The following SMCHD1 variants were observed in gnomAD, a reference collection of about 807,000 sequenced individuals.
The protein encoded by SMCHD1 is structural maintenance of chromosomes flexible hinge domain-containing protein 1.
Under a neutral mutation model 254.7 loss-of-function variants are expected in SMCHD1, and 78 were observed. That is an observed-to-expected ratio of 0.31 (90% CI 0.26 to 0.37). The LOEUF (loss-of-function observed/expected upper bound fraction) is 0.37. Among genes scored for constraint, SMCHD1 ranks in the 10% least tolerant of loss-of-function variants. The pLI, the probability that SMCHD1 is intolerant of heterozygous loss-of-function variation, is 1.00. For synonymous variants in SMCHD1, 766 were observed against 794.9 expected (o/e 0.96, Z 0.61); for missense variants, 1,840 against 2,408.1 (o/e 0.76, Z 4.94).
intron 1 of SMCHD1, among the ~76,000 whole-genome samples, chr18:2,658,818 A>G (rs1046250653): frequency 6.6e-6 from 1 of 151,544 alleles, no homozygotes; most frequent in Admixed American, 6.6e-5. Flanking sequence ...ATACATATAC[A>G]TATATATGTG....
At position 2,708,907 on chromosome 18, in the gene SMCHD1, T is replaced by TATATATATATATATAAA. The variant is rs769432583; in HGVS notation, c.2260+988_2260+989insTATATATATATATAAAA. On this transcript the variant is annotated intron_variant, in intron 17 of 47. Transcript: ENST00000320876. Reference sequence around the variant, plus strand: ...ATATATATATATATATATATATATATAACATATTAACATGAAATTTATGAA... The same window carrying TATATATATATATATAAA: ...ATATATATATATATATATATATATATATATATATATATATAAAAACATATTAACATGAAATTTATGAA... Among the ~76,000 whole-genome samples the TATATATATATATATAAA allele has an allele frequency of 6.2e-3, 275 of 44,684 alleles. 48 individuals carry two copies. Among genetic ancestry groups the TATATATATATATATAAA allele is most frequent in the African/African-American group, 0.021 (252 of 11,870 alleles). 29.3% of individuals were successfully genotyped at this position (44,684 alleles called of 152,430 possible).
chr18:2,732,216 A>G, intron 24 of SMCHD1, 49 bp from the exon 25 acceptor site: 2 of 1,444,596 alleles, frequency 1.4e-6, no homozygotes, highest in East Asian at 2.3e-5. Flanking sequence ...AGGAGTGTAA[A>G]ATTTCAGTAC....
chr18:2,774,939 C>T (rs751851699), intron 41 of SMCHD1, among the ~76,000 whole-genome samples: 3 of 152,206 alleles, frequency 2.0e-5, no homozygotes, highest in Non-Finnish European at 4.4e-5. Flanking sequence ...CCTTGTTACA[C>T]TGTTGGCACA....
At position 2,804,107 on chromosome 18, in the gene SMCHD1, A is replaced by C. The variant is rs2076409386; in HGVS notation, c.*1555A>C. On this transcript the variant is annotated 3_prime_UTR_variant, in exon 48 of 48. Transcript: ENST00000320876. ...GATTATATGAAAATGATTGATTGAT[A>C]GGTAAGAAAGGTTAAAGAGAAATGA... 6.6e-6 allele frequency: 1 copy of C among 152,166 alleles called. No individual in the cohort carries two copies. The highest frequency in any genetic ancestry group is 2.4e-5 in the African/African-American group (1 of 41,430). The allele number at this position is 152,166 out of a possible 1,614,324, so 9.4% of individuals were successfully genotyped here. A position where few individuals can be genotyped will look rare whatever the true frequency, so the allele number is the denominator to read the frequency against.
intron 36 of SMCHD1, among the ~76,000 whole-genome samples, chr18:2,762,489 T>A (rs1369424148): frequency 7.4e-6 from 1 of 134,726 alleles, no homozygotes. Flanking sequence ...TCAATCTGCC[T>A]ACCTTTTTTT....
At position 2,796,127 on chromosome 18, in the gene SMCHD1, T is replaced by G; in HGVS notation, c.5878+20T>G. 1 of 1,495,400 alleles carries G rather than the reference T, an allele frequency of 6.7e-7. No homozygotes were observed. The highest frequency in any genetic ancestry group is 8.9e-7 in the Non-Finnish European group (1 of 1,119,110). 92.6% of individuals were successfully genotyped at this position (1,495,400 alleles called of 1,614,324 possible). On this transcript the variant is annotated intron_variant, in intron 46 of 47. Transcript: ENST00000320876. ...AACTAGGTAAGTCTTTGCTTTTTGT[T>G]AACTTCTACTTTCTTTATATGGAGA... is the stretch of plus-strand genomic sequence containing the variant.
Position 2,718,366 on chromosome 18 carries a change from A to G in SMCHD1, c.2390A>G (p.Asn797Ser), listed in dbSNP as rs749513873. ...ACCTTGAAATTACAAGTTGTGTTGAATGAAAGTAATGCAGACACTTATGCA... is the reference window on the plus strand; with the variant it reads ...ACCTTGAAATTACAAGTTGTGTTGAGTGAAAGTAATGCAGACACTTATGCA... Reference protein sequence around the residue: ...NYTLKLQVVLNESNADTYAGR... With the variant: ...NYTLKLQVVLSESNADTYAGR... Residue 797 changes from asparagine to serine, a missense_variant, in exon 19 of 48, where the codon AAT becomes AGT. By Grantham distance (46) the Asn-to-Ser change is conservative. This residue lies in a region of SMCHD1 where 59 missense variants were observed against 99.2 expected (regional missense o/e 0.59). Coordinates refer to ENST00000320876, the MANE Select transcript of SMCHD1 (RefSeq NM_015295.3). The surrounding 1 kb of genome is among the most constrained non-coding windows in gnomAD (Gnocchi z 4.6). The G allele has an allele frequency of 2.5e-6, 4 of 1,612,410 alleles. No homozygotes were observed. The highest frequency in any genetic ancestry group is 1.3e-5 in the African/African-American group (1 of 74,904).
intron 7 of SMCHD1, among the ~76,000 whole-genome samples, chr18:2,691,388 T>C (rs2143085693): frequency 6.6e-6 from 1 of 152,336 alleles, no homozygotes; most frequent in East Asian, 1.9e-4. Context: ...TCTGTTTCCT[T>C]TTCTGACTAG....
chr18:2,769,907 A>T (rs1598426339), intron 38 of SMCHD1, 82 bp from the exon 39 acceptor site: 4 of 1,535,672 alleles, frequency 2.6e-6, no homozygotes, highest in Non-Finnish European at 3.5e-6. Flanking sequence ...CTTGGTGTTT[A>T]TTAGCTATCT....
chr18:2,710,986 G>T (rs11661862), intron 17 of SMCHD1, among the ~76,000 whole-genome samples: 44,541 of 151,290 alleles, frequency 0.29, 6,774 homozygotes, highest in East Asian at 0.5. Context: ...GTTTTTTGGG[G>T]TTTTTTTTGA....
intron 5 of SMCHD1, among the ~76,000 whole-genome samples, chr18:2,685,959 G>T (rs2074042148): frequency 6.6e-6 from 1 of 152,128 alleles, no homozygotes; most frequent in Non-Finnish European, 1.5e-5. Flanking sequence ...ACCAGTTTAT[G>T]TTTACCCACA....
At chr18:2,669,506 C>G (rs918566382) in intron 3 of SMCHD1, among the ~76,000 whole-genome samples, 3 of 152,130 alleles carry the variant, frequency 2.0e-5, no homozygotes, top group African/African-American at 4.8e-5. Context: ...ACCTCACTGC[C>G]TGCCCTTTCT....
intron 8 of SMCHD1, 76 bp downstream of exon 8, chr18:2,694,769 A>G (rs990598441): frequency 2.3e-6 from 3 of 1,279,090 alleles, no homozygotes; most frequent in Middle Eastern, 2.5e-4. Context: ...GATATATTGA[A>G]GCCTCTTTGG....
At position 2,769,834 on chromosome 18, in the gene SMCHD1, A is replaced by G. The variant is rs2143735100; in HGVS notation, c.4846+14A>G. 6.3e-7 allele frequency: 1 copy of G among 1,591,462 alleles called. No individual in the cohort carries two copies. The highest frequency in any genetic ancestry group is 2.2e-5 in the East Asian group (1 of 44,482). ...TGTTTTACAATGGTAAGTTTCTAGG[A>G]AATAAATGGTTAAACTCCGTTGTTA... On this transcript the variant is annotated intron_variant, in intron 38 of 47. Transcript: ENST00000320876.
chr18:2,791,522 G>A (rs2076165191), intron 45 of SMCHD1, among the ~76,000 whole-genome samples: 1 of 152,216 alleles, frequency 6.6e-6, no homozygotes, highest in Admixed American at 6.5e-5. Context: ...ATTCCAGCCT[G>A]GGTGGCAGAG....
chr18:2,792,325 TAC>T (rs2076181564), intron 45 of SMCHD1, among the ~76,000 whole-genome samples: 1 of 152,254 alleles, frequency 6.6e-6, no homozygotes, highest in South Asian at 2.1e-4. Flanking sequence ...CAACATGCTG[TAC>T]AGTTTTGTAG....
intron 28 of SMCHD1, among the ~76,000 whole-genome samples, chr18:2,741,759 T>C (rs1264287698): frequency 6.6e-6 from 1 of 152,198 alleles, no homozygotes; most frequent in Non-Finnish European, 1.5e-5. Flanking sequence ...TTCCTATCAC[T>C]CTGCGCACAG....
In SMCHD1 at chr18:2,728,540, G is replaced by A. The variant is rs766378396; in HGVS notation, c.2857G>A (p.Val953Ile). Reference sequence around the variant, plus strand: ...AACAGCTTTCCCATTTCAGGTGGAAGTTTTAGATGAATCAGACAACATAAC... The same window carrying A: ...AACAGCTTTCCCATTTCAGGTGGAAATTTTAGATGAATCAGACAACATAAC... ...NGTAFPFQVEVLDESDNITAQ... is the reference protein window; with the variant it reads ...NGTAFPFQVEILDESDNITAQ... Residue 953 changes from valine (V) to isoleucine (I), a missense_variant, in exon 23 of 48, where the codon GTT becomes ATT. By Grantham distance (29) the Val-to-Ile change is conservative. Around this residue, in one of 9 missense-constraint regions of SMCHD1, gnomAD observed 881 missense variants for 1,009.5 expected, o/e 0.87. Transcript: ENST00000320876. 10 of 1,613,174 alleles carry A rather than the reference G, an allele frequency of 6.2e-6. No individual in the cohort carries two copies. The highest frequency in any genetic ancestry group is 1.7e-5 in the Admixed American group (1 of 59,974).
chr18:2,778,385 G>T, intron 44 of SMCHD1, 146 bp downstream of exon 44: 2 of 566,764 alleles, frequency 3.5e-6, no homozygotes, highest in East Asian at 2.9e-5. Flanking sequence ...TAGGCAAAAC[G>T]TAGGAATGAA....
Sources: allele counts gnomAD v4.1 joint callset (sites outside exome capture counted in the v4.1 genomes callset), GRCh38; gene constraint gnomAD v4.1.1; regional missense constraint gnomAD v4.1.1; non-coding constraint Gnocchi (gnomAD v3.1); transcripts MANE v1.5; gene names NCBI Gene and HGNC (gene_info 2026-07-23, HGNC 2026-07-21).